Variants in CRB2 observed in about 807,000 individuals in gnomAD.
The protein encoded by CRB2 is protein crumbs homolog 2.
In CRB2, 85 loss-of-function variants were observed where a neutral mutation model predicts 110.9. That is an observed-to-expected ratio of 0.77 (90% CI 0.64 to 0.92). The LOEUF (loss-of-function observed/expected upper bound fraction) is 0.92, where lower values mean the gene tolerates loss of function less well. CRB2 is among the 40% of genes least tolerant of loss of function. CRB2 has a pLI of 0.00. For synonymous variants in CRB2, 907 were observed against 831.0 expected, an observed-to-expected ratio of 1.09 and a Z score of -1.57; for missense variants, 1,843 against 1,851.3, an observed-to-expected ratio of 1.00 and a Z score of 0.08.
At chr9:123,380,196 T>A (rs1279206605), downstream of CRB2, 1 of 152,404 alleles carries the variant, frequency 6.6e-6, no homozygotes, top group African/African-American at 2.4e-5. Context: ...ATTTCCTGCG[T>A]GTCTCAGATG....
At chr9:123,368,491 T>C (rs561872129) in intron 6 of CRB2, among the ~76,000 whole-genome samples, 4 of 152,238 alleles carry the variant, frequency 2.6e-5, no homozygotes, top group Non-Finnish European at 5.9e-5. Context: ...GTCTGGCCTC[T>C]GGGAAGCATT....
intron 2 of CRB2, among the ~76,000 whole-genome samples, chr9:123,365,397 G>A (rs558056893): frequency 6.6e-6 from 1 of 152,092 alleles, no homozygotes; most frequent in South Asian, 2.1e-4. Context: ...CCTCCCACCC[G>A]ACTCACCTCC....
Position 123,371,282 on chromosome 9 carries a change from G to A in CRB2, c.2140G>A (p.Ala714Thr). ...CCGGGCTGAGGTGCCGGGCAGTCCT[G>A]CTGTAGTGCTCCCTGGGCGCTGGGA... ...RIRAEVPGSP[A>T]VVLPGRWDDG... Residue 714 changes from alanine to threonine, a missense_variant, in exon 8 of 13, where the codon GCT (alanine) becomes ACT (threonine). Physicochemically the swap from Ala to Thr is moderately conservative, Grantham distance 58. Transcript: ENST00000373631. The A allele has an allele frequency of 6.2e-7, 1 of 1,613,838 alleles. No homozygotes were observed. The highest frequency in any genetic ancestry group is 8.5e-7 in the Non-Finnish European group (1 of 1,179,962).
rs781415118 is a variant in CRB2 at position 123,370,275 on chromosome 9, G to T, written c.1222G>T (p.Ala408Ser). ...TGCQGHTCPL[A>S]ATCIPIFESG... ...CTGCCAGGGCCACACCTGCCCGCTG[G>T]CTGCCACCTGCATCCCTATCTTCGA... The change falls in exon 7 of 13, where the codon GCT becomes TCT. Residue 408 changes from alanine (A) to serine (S), a missense_variant. Coordinates refer to ENST00000373631, the MANE Select transcript of CRB2 (RefSeq NM_173689.7). The T allele has an allele frequency of 5.0e-6, 8 of 1,613,266 alleles. 1 individual carries two copies. In the South Asian group the frequency reaches 7.7e-5, roughly 15 times the overall value.
intron 1 of CRB2, among the ~76,000 whole-genome samples, chr9:123,358,430 T>C (rs2132728976): frequency 6.6e-6 from 1 of 152,082 alleles, no homozygotes; most frequent in African/African-American, 2.4e-5. Flanking sequence ...GTCCGGCCCC[T>C]CCTCCAGCCA....
At chr9:123,369,264 T>G (rs1431107539) in intron 6 of CRB2, among the ~76,000 whole-genome samples, 1 of 152,192 alleles carries the variant, frequency 6.6e-6, no homozygotes, top group African/African-American at 2.4e-5. Context: ...CCTTGGGTAC[T>G]TGCACTACCC....
At chr9:123,367,486 T>A in intron 5 of CRB2, 87 bp from the exon 6 acceptor site, 1 of 1,173,438 alleles carries the variant, frequency 8.5e-7, no homozygotes, top group Non-Finnish European at 1.2e-6. Context: ...TCTCTTGGAC[T>A]CAGTCTCTCT....
intron 1 of CRB2, among the ~76,000 whole-genome samples, chr9:123,361,959 G>T (rs917080890): frequency 6.6e-6 from 1 of 152,188 alleles, no homozygotes; most frequent in African/African-American, 2.4e-5. Context: ...CTTCCAAGCC[G>T]GTTGGTGACC....
rs747529202 is a variant in CRB2, at chr9:123,373,835, C to T, written c.3304C>T (p.Pro1102Ser). 8 of 1,571,714 alleles carry T rather than the reference C, an allele frequency of 5.1e-6. No homozygotes were observed. The highest frequency in any genetic ancestry group is 1.1e-5 in the South Asian group (1 of 87,038). ...EAHVDPCHSAPCARGRCHTHP... is the reference protein window; with the variant it reads ...EAHVDPCHSASCARGRCHTHP... ...CCACGTCGACCCCTGTCACTCCGCCCCCTGCGCCCGTGGCCGCTGTCACAC... is the reference window on the plus strand; with the variant it reads ...CCACGTCGACCCCTGTCACTCCGCCTCCTGCGCCCGTGGCCGCTGTCACAC... Residue 1102 changes from proline to serine, a missense_variant, in exon 10 of 13, where the codon CCC (proline) becomes TCC (serine). Physicochemically the swap from Pro to Ser is moderately conservative, Grantham distance 74. Transcript: ENST00000373631.
chr9:123,374,604 A>G lies in CRB2; in HGVS notation c.3415A>G (p.Ser1139Gly). 6.2e-7 allele frequency: 1 copy of G among 1,613,482 alleles called. No individual in the cohort carries two copies. The highest frequency in any genetic ancestry group is 1.1e-5 in the South Asian group (1 of 91,074). Residue 1139 changes from serine to glycine, a missense_variant, in exon 11 of 13, where the codon AGC (serine) becomes GGC (glycine). Transcript: ENST00000373631. ...GTTGCCTGTCCCATCCAAGGAGTGC[A>G]GCCTGAATGTCACCTGCCTCGATGG... ...CRLPVPSKEC[S>G]LNVTCLDGSP...
intron 12 of CRB2, 128 bp downstream of exon 12, chr9:123,375,471 G>C: frequency 8.5e-7 from 1 of 1,173,482 alleles, no homozygotes; most frequent in Non-Finnish European, 1.1e-6. Context: ...GGGGCAGTGA[G>C]AGGAGCCTCA....
intron 10 of CRB2, chr9:123,374,231 C>A: frequency 1.7e-6 from 1 of 593,864 alleles, no homozygotes. Flanking sequence ...TTTGGCGCTT[C>A]CCTTATTCAT....
At position 123,374,162 on chromosome 9, in the gene CRB2, G is replaced by C. The variant is rs183887243; in HGVS notation, c.3389+242G>C. 292 of 666,614 alleles carry C rather than the reference G, an allele frequency of 4.4e-4. No homozygotes were observed. In the African/African-American group the frequency reaches 4.8e-3, roughly 11 times the overall value. 41.3% of individuals were successfully genotyped at this position (666,614 alleles called of 1,614,324 possible). A position where few individuals can be genotyped will look rare whatever the true frequency, so the allele number is the denominator to read the frequency against. On this transcript the variant is annotated intron_variant, in intron 10 of 12. Coordinates refer to ENST00000373631, the MANE Select transcript of CRB2 (RefSeq NM_173689.7). Reference sequence around the variant, plus strand: ...GGTCTGGGGCTGGGAGCCGCCTGCCGCTTACACGGAGGTTCATCCCTATTG... The same window carrying C: ...GGTCTGGGGCTGGGAGCCGCCTGCCCCTTACACGGAGGTTCATCCCTATTG...
In CRB2 at chr9:123,373,722, C is replaced by T. The variant is rs1334118671; in HGVS notation, c.3191C>T (p.Pro1064Leu). 3 of 1,563,658 alleles carry T rather than the reference C, an allele frequency of 1.9e-6. No individual in the cohort carries two copies. The highest frequency in any genetic ancestry group is 2.6e-6 in the Non-Finnish European group (3 of 1,165,644). ...GGCGCGCCCGTGTGTGCGCCCTCGC[C>T]CTGTCTGCACGACGGTGCCTGCCGT... ...CRGAPVCAPS[P>L]CLHDGACRDL... The change falls in exon 10 of 13, where the codon CCC (proline) becomes CTC (leucine). Residue 1064 changes from proline (P) to leucine (L), a missense_variant. Coordinates refer to ENST00000373631, the MANE Select transcript of CRB2 (RefSeq NM_173689.7).
chr9:123,373,949 G>C, intron 10 of CRB2, 29 bp downstream of exon 10: 1 of 1,549,912 alleles, frequency 6.5e-7, no homozygotes, highest in South Asian at 1.2e-5. Flanking sequence ...GGGGTGGGCT[G>C]CGAATGCCCC....
Position 123,373,544 on chromosome 9 carries a change from C to T in CRB2, c.3013C>T (p.Leu1005=). 2.7e-6 allele frequency: 4 copies of T among 1,487,830 alleles called. No individual in the cohort carries two copies. Among genetic ancestry groups the T allele is most frequent in the South Asian group, 2.6e-5 (2 of 78,058 alleles). 92.2% of individuals were successfully genotyped at this position (1,487,830 alleles called of 1,614,324 possible). A position where few individuals can be genotyped will look rare whatever the true frequency, so the allele number is the denominator to read the frequency against. ...FLQGPGAVRI[L]LAENFTGCLG... is the part of the protein sequence containing the mutation. ...GCAGGGCCCGGGTGCTGTGCGCATC[C>T]TGCTGGCTGAGAACTTCACCGGCTG... Residue 1005 remains leucine, a synonymous_variant, in exon 10 of 13, where the codon CTG becomes TTG. Coordinates refer to ENST00000373631, the MANE Select transcript of CRB2 (RefSeq NM_173689.7).
intron 1 of CRB2, among the ~76,000 whole-genome samples, chr9:123,361,132 C>CA (rs2041862620): frequency 1.5e-5 from 1 of 65,958 alleles, no homozygotes; most frequent in Non-Finnish European, 3.8e-5. Context: ...ATTGGATGGG[C>CA]GGGGAGGGGG....
intron 2 of CRB2, 90 bp downstream of exon 2, chr9:123,363,278 T>A: frequency 1.4e-6 from 2 of 1,380,872 alleles, no homozygotes; most frequent in Non-Finnish European, 2.0e-6. Context: ...AGCTTTGCCT[T>A]TCGTGTAGGG....
Position 123,367,265 on chromosome 9 carries a change from C to T in CRB2, c.848C>T (p.Ala283Val), listed in dbSNP as rs1378502438. 6.3e-7 allele frequency: 1 copy of T among 1,597,774 alleles called. No individual in the cohort carries two copies. The highest frequency in any genetic ancestry group is 8.5e-7 in the Non-Finnish European group (1 of 1,177,668). ...CGATGCCTGCAGCGCTCTGACCCGGCCCTCTACGGGGGTGTCCAGGCCGCC... is the reference window on the plus strand; with the variant it reads ...CGATGCCTGCAGCGCTCTGACCCGGTCCTCTACGGGGGTGTCCAGGCCGCC... ...GGRCLQRSDP[A>V]LYGGVQAAFP... The change falls in exon 5 of 13, where the codon GCC (alanine) becomes GTC (valine). Residue 283 changes from alanine to valine, a missense_variant. Ala to Val is a moderately conservative substitution (Grantham distance 64). Coordinates refer to ENST00000373631, the MANE Select transcript of CRB2 (RefSeq NM_173689.7).
Sources: allele counts gnomAD v4.1 joint callset (sites outside exome capture counted in the v4.1 genomes callset), GRCh38; gene constraint gnomAD v4.1.1; transcripts MANE v1.5; gene names NCBI Gene and HGNC (gene_info 2026-07-23, HGNC 2026-07-21).